The following UNC80 variants were observed in gnomAD, a reference collection of about 807,000 sequenced individuals.
UNC80 encodes the protein protein unc-80 homolog.
A neutral mutation model predicts 384.6 loss-of-function variants in UNC80; 164 were observed. The observed-to-expected ratio is 0.43, with a 90% CI of 0.38 to 0.49. The LOEUF (loss-of-function observed/expected upper bound fraction) is 0.49, where lower values mean the gene tolerates loss of function less well. Ranked by LOEUF, UNC80 falls within the 20% of genes least tolerant of loss-of-function variation. The probability of loss-of-function intolerance (pLI) is 0.00; values close to 1 mark genes in which losing one functional copy is unlikely to be tolerated. For synonymous variants in UNC80, 1,486 were observed against 1,527.8 expected, an observed-to-expected ratio of 0.97 and a Z score of 0.64; for missense variants, 3,330 against 4,143.0, an observed-to-expected ratio of 0.80 and a Z score of 5.39.
chr2:209,776,078 T>C (rs1331366185), intron 3 of UNC80, 33 bp downstream of exon 3: 1 of 1,613,174 alleles, frequency 6.2e-7, no homozygotes, highest in Non-Finnish European at 8.5e-7. Flanking sequence ...TTATTGCATG[T>C]GATTGCCCTT....
chr2:209,952,791 T>C (rs1411551952), intron 47 of UNC80, among the ~76,000 whole-genome samples: 1 of 152,204 alleles, frequency 6.6e-6, no homozygotes, highest in Non-Finnish European at 1.5e-5. Flanking sequence ...AGGTACTTTT[T>C]ATTGTTACAG....
rs1191271712 is a variant in UNC80, at chr2:209,976,329, A to G, written c.8772+26A>G. ...GTGTGGTGTGTGCTTCTCCTCCTGA[A>G]AGTGGCAAGCTCAAATGAATGTGTG... On this transcript the variant is annotated intron_variant, in intron 57 of 64. Transcript: ENST00000673920. The surrounding 1 kb of genome is among the most constrained non-coding windows in gnomAD (Gnocchi z 4.3). 1 of 1,551,562 alleles carries G rather than the reference A, an allele frequency of 6.4e-7. No individual in the cohort carries two copies. Among genetic ancestry groups the G allele is most frequent in the South Asian group, 1.2e-5 (1 of 84,040 alleles).
intron 6 of UNC80, among the ~76,000 whole-genome samples, chr2:209,791,759 G>T (rs2077815572): frequency 7.8e-6 from 1 of 128,514 alleles, no homozygotes; most frequent in Non-Finnish European, 1.6e-5. Flanking sequence ...GGTGGAGCTT[G>T]CAGTGAGCTG....
intron 7 of UNC80, among the ~76,000 whole-genome samples, chr2:209,794,259 C>A (rs2078016036): frequency 6.6e-6 from 1 of 152,118 alleles, no homozygotes; most frequent in Admixed American, 6.5e-5. Flanking sequence ...ATTTAAAAGT[C>A]TATTCTTTGT....
intron 7 of UNC80, chr2:209,808,799 C>CGCTA: frequency 5.9e-6 from 2 of 339,290 alleles, no homozygotes; most frequent in Non-Finnish European, 1.1e-5. Flanking sequence ...GTTGCCTCTG[C>CGCTA]CACCATGCCG....
chr2:209,880,877 A>G, intron 24 of UNC80, 84 bp from the exon 25 acceptor site: 1 of 1,310,822 alleles, frequency 7.6e-7, no homozygotes, highest in Non-Finnish European at 1.1e-6. Flanking sequence ...GATTCTATAC[A>G]TGTGTAGCTA....
chr2:209,777,731 A>G (rs2076944149), intron 4 of UNC80, among the ~76,000 whole-genome samples, 172 bp downstream of exon 4: 2 of 152,210 alleles, frequency 1.3e-5, no homozygotes, highest in African/African-American at 4.8e-5. Context: ...CAAAAACACA[A>G]ATTTCCACAA....
chr2:209,859,398 G>A (rs2083190689), intron 22 of UNC80, among the ~76,000 whole-genome samples: 2 of 152,202 alleles, frequency 1.3e-5, no homozygotes, highest in African/African-American at 4.8e-5. Context: ...ATTCCATGGT[G>A]TATATGTACC....
At chr2:209,808,846 C>A in intron 7 of UNC80, 2 of 326,132 alleles carry the variant, frequency 6.1e-6, no homozygotes, top group South Asian at 5.5e-5. Context: ...TGACCCTGAT[C>A]GGAAGCCCAA....
chr2:209,957,714 A>C lies in UNC80; in HGVS notation c.7528A>C (p.Met2510Leu). 1 of 1,551,522 alleles carries C rather than the reference A, an allele frequency of 6.4e-7. No homozygotes were observed. Among genetic ancestry groups the C allele is most frequent in the Non-Finnish European group, 8.7e-7 (1 of 1,146,874 alleles). The change falls in exon 49 of 65, where the codon ATG (methionine) becomes CTG (leucine). Residue 2510 changes from methionine to leucine, a missense_variant. Transcript: ENST00000673920. ...HKGTTTANHT[M>L]SSGVNTRYQE... The stretch of plus-strand genomic sequence containing the variant: ...GGGAACCACCACAGCCAATCACACC[A>C]TGTCGTCTGGGGTGAACACCAGGTA...
chr2:209,819,219 G>C lies in UNC80; in HGVS notation c.1920G>C (p.Gly640=). Residue 640 remains glycine (G), a synonymous_variant, in exon 12 of 65, where the codon GGG becomes GGC. Coordinates refer to ENST00000673920, the MANE Select transcript of UNC80 (RefSeq NM_001371986.1). The part of the protein sequence containing the change: ...SYLEDTEHID[G]TNNFVHKNGM... The stretch of plus-strand genomic sequence containing the variant: ...TAGAGGACACAGAACATATTGACGG[G>C]ACCAATAACTTTGTCCACAAGAATG... The C allele has an allele frequency of 6.4e-7, 1 of 1,551,534 alleles. No individual in the cohort carries two copies. Among genetic ancestry groups the C allele is most frequent in the Non-Finnish European group, 8.7e-7 (1 of 1,146,938 alleles).
rs1225961159 is a variant in UNC80 at position 209,872,392 on chromosome 2, A to G, written c.3628-366A>G. 6.6e-6 allele frequency among the ~76,000 whole-genome samples: 1 copy of G among 152,198 alleles called. No individual in the cohort carries two copies. The highest frequency in any genetic ancestry group is 2.4e-5 in the African/African-American group (1 of 41,442). On this transcript the variant is annotated intron_variant, in intron 22 of 64. Transcript: ENST00000673920. This position sits in a 1 kb window ranked among gnomAD's most constrained non-coding sequence, Gnocchi z 4.1. ...CTTCATGTAAAATTTAGGGTTCAAA[A>G]AAAGATTCATCTTTAAGACCTCACT...
At chr2:209,868,187 C>T (rs1484849814) in intron 22 of UNC80, among the ~76,000 whole-genome samples, 1 of 152,138 alleles carries the variant, frequency 6.6e-6, no homozygotes, top group Non-Finnish European at 1.5e-5. Flanking sequence ...TGCCCCCTAG[C>T]AAAGAACTTT....
intron 52 of UNC80, 70 bp downstream of exon 52, chr2:209,967,707 G>A (rs1188859712): frequency 6.8e-7 from 1 of 1,472,948 alleles, no homozygotes; most frequent in East Asian, 2.5e-5. Context: ...TTTTTAAGAT[G>A]GTGGATCATT....
chr2:209,862,926 T>G (rs1166938042), intron 22 of UNC80, among the ~76,000 whole-genome samples: 1 of 152,118 alleles, frequency 6.6e-6, no homozygotes, highest in African/African-American at 2.4e-5. Context: ...TTCTTCATAG[T>G]GTCATTGGTC....
chr2:209,991,082 T>A (rs1409078115), intron 61 of UNC80, among the ~76,000 whole-genome samples: 1 of 152,202 alleles, frequency 6.6e-6, no homozygotes, highest in African/African-American at 2.4e-5. Flanking sequence ...TGCAGCTGGG[T>A]ATTTAAGTAG....
chr2:209,878,964 C>G (rs904050594), intron 24 of UNC80, among the ~76,000 whole-genome samples: 6 of 151,812 alleles, frequency 4.0e-5, no homozygotes, highest in African/African-American at 1.5e-4. Flanking sequence ...ATGGATGGGG[C>G]GTAACATTAG....
Position 209,969,747 on chromosome 2 carries a change from G to A in UNC80, c.8007-21G>A, listed in dbSNP as rs532668229. ...TCCAGAAGGGAGCCAAGACGCTAAT[G>A]GCGCCTATATTGTATTCCAGGCGAC... On this transcript the variant is annotated intron_variant, in intron 52 of 64. Coordinates refer to ENST00000673920, the MANE Select transcript of UNC80 (RefSeq NM_001371986.1). 6.3e-5 allele frequency: 97 copies of A among 1,551,378 alleles called. No individual in the cohort carries two copies. In the South Asian group the frequency reaches 6.8e-4, roughly 11 times the overall value.
chr2:209,982,955 T>TGTAC (rs1553624414), intron 60 of UNC80: 2 of 147,524 alleles, frequency 1.4e-5, no homozygotes, highest in Non-Finnish European at 3.0e-5. Context: ...TATATATATA[T>TGTAC]ACACACACAC....
Sources: allele counts gnomAD v4.1 joint callset (sites outside exome capture counted in the v4.1 genomes callset), GRCh38; gene constraint gnomAD v4.1.1; non-coding constraint Gnocchi (gnomAD v3.1); transcripts MANE v1.5; gene names NCBI Gene and HGNC (gene_info 2026-07-23, HGNC 2026-07-21).